The following FAM53A variants were observed in gnomAD, a reference collection of about 807,000 sequenced individuals.
FAM53A encodes family with sequence similarity 53 member A, also known as protein FAM53A.
FAM53A carries 28 observed loss-of-function variants against 26.6 expected under a neutral mutation model. The ratio of observed to expected loss-of-function variants is 1.05; its 90% CI spans 0.78 to 1.45. The LOEUF is 1.45. Ranked by LOEUF, FAM53A falls within the 40% of genes most tolerant of loss-of-function variation. The probability of loss-of-function intolerance (pLI) is 0.00; values close to 1 mark genes in which losing one functional copy is unlikely to be tolerated. For synonymous variants in FAM53A, 290 were observed against 253.1 expected (o/e 1.15, Z -1.38); for missense variants, 650 against 575.8 (o/e 1.13, Z -1.32).
At chr4:1,676,839 A>G (rs1319746661) in intron 1 of FAM53A, among the ~76,000 whole-genome samples, 1 of 152,160 alleles carries the variant, frequency 6.6e-6, no homozygotes. Flanking sequence ...TTATCACGTC[A>G]CTATAGTGTT....
At chr4:1,599,186 C>T in the FAM53A span, among the ~76,000 whole-genome samples, 17 of 147,570 alleles carry the variant, frequency 1.2e-4, no homozygotes, top group Admixed American at 6.0e-4. This position sits in a 1 kb window ranked among gnomAD's most constrained non-coding sequence, Gnocchi z 6.1. Flanking sequence ...CAACCCCGCC[C>T]GGGACTTCGC....
At chr4:1,682,907 G>A (rs798728) in intron 1 of FAM53A, among the ~76,000 whole-genome samples, 149,705 of 152,358 alleles carry the variant, frequency 0.98, 73,604 homozygotes, top group East Asian at 1. Flanking sequence ...AAAGGGGCGG[G>A]ACAATTACCA....
downstream of FAM53A, among the ~76,000 whole-genome samples, chr4:1,614,067 T>A (rs1228996841): frequency 6.6e-6 from 1 of 151,520 alleles, no homozygotes; most frequent in African/African-American, 2.4e-5. Flanking sequence ...CTCACAGGAG[T>A]CAGATGAATG....
Position 1,647,619 on chromosome 4 carries a change from G to T in FAM53A, c.883-6012C>A, listed in dbSNP as rs777835080. Among the ~76,000 whole-genome samples the T allele has an allele frequency of 7.2e-5, 11 of 152,220 alleles. 1 individual carries two copies. The highest frequency in any genetic ancestry group is 5.2e-4 in the Admixed American group (8 of 15,284). On this transcript the variant is annotated intron_variant, in intron 4 of 4. Transcript: ENST00000308132. ...CTGCACAACACACGCCAGGGACGCC[G>T]GACTAGAGCTGGGCTGCGCATACCG...
At chr4:1,604,587 C>T in the FAM53A span, among the ~76,000 whole-genome samples, 1 of 152,116 alleles carries the variant, frequency 6.6e-6, no homozygotes, top group Non-Finnish European at 1.5e-5. Context: ...GGGCCCCTCA[C>T]TCCCTCTCTC....
chr4:1,675,368 C>G (rs1180522359), intron 1 of FAM53A, among the ~76,000 whole-genome samples: 1 of 152,212 alleles, frequency 6.6e-6, no homozygotes, highest in Non-Finnish European at 1.5e-5. Context: ...GCGCCGGCCC[C>G]TCCAAACAGG....
chr4:1,641,401 G>A lies in FAM53A; in HGVS notation c.1089C>T (p.Gly363=), dbSNP rs1429571248. ...GGGGGTCCCCGCTGCTCCTGCGGGA[G>A]CCATCACTGGTCACCGACTCCCTAG... is the stretch of plus-strand genomic sequence containing the variant. The part of the protein sequence containing the change: ...WASRESVTSD[G]SRRSSGDPRD... The change falls in exon 5 of 5, where the codon GGC becomes GGT. Residue 363 remains glycine (G), a synonymous_variant. Transcript: ENST00000308132. The A allele has an allele frequency of 6.2e-7, 1 of 1,611,340 alleles. No individual in the cohort carries two copies. Among genetic ancestry groups the A allele is most frequent in the Admixed American group, 1.7e-5 (1 of 58,942 alleles).
At chr4:1,608,104 T>A in the FAM53A span, among the ~76,000 whole-genome samples, 1 of 152,028 alleles carries the variant, frequency 6.6e-6, no homozygotes, top group Non-Finnish European at 1.5e-5. Context: ...AGAGCAAAAC[T>A]TTGTCTCAGA....
the FAM53A span, among the ~76,000 whole-genome samples, chr4:1,594,216 T>C: frequency 2.0e-5 from 3 of 152,142 alleles, no homozygotes; most frequent in African/African-American, 7.2e-5. Context: ...CGGCCCCACA[T>C]AGCAGGAGGC....
At chr4:1,663,442 G>C (rs1714000877) in intron 2 of FAM53A, among the ~76,000 whole-genome samples, 1 of 152,154 alleles carries the variant, frequency 6.6e-6, no homozygotes, top group Non-Finnish European at 1.5e-5. Context: ...ATCCCTAATA[G>C]CTAAAATATG....
the FAM53A span, among the ~76,000 whole-genome samples, chr4:1,581,708 GCCCAGGCT>G: frequency 6.6e-6 from 1 of 152,130 alleles, no homozygotes. Context: ...CAATTCTCCT[GCCCAGGCT>G]CCCAAGTAAC....
the FAM53A span, among the ~76,000 whole-genome samples, chr4:1,612,405 C>T: frequency 2.0e-5 from 3 of 152,224 alleles, no homozygotes; most frequent in Non-Finnish European, 2.9e-5. Context: ...CCGAGAAGCC[C>T]AGGCAGGGCC....
the FAM53A span, among the ~76,000 whole-genome samples, chr4:1,593,213 T>C: frequency 6.6e-6 from 1 of 152,098 alleles, no homozygotes; most frequent in African/African-American, 2.4e-5. Flanking sequence ...GGTCCAGGGC[T>C]TGGCCCAGGC....
chr4:1,633,745 A>C (rs781067412), intron 1 of FAM53A, among the ~76,000 whole-genome samples: 18 of 152,248 alleles, frequency 1.2e-4, no homozygotes, highest in Non-Finnish European at 2.4e-4. Context: ...GGATCAGAGC[A>C]GCCCAGGAGA....
chr4:1,636,543 G>A (rs1261716834), downstream of FAM53A, among the ~76,000 whole-genome samples: 1 of 152,172 alleles, frequency 6.6e-6, no homozygotes, highest in African/African-American at 2.4e-5. Context: ...TCACTCCTGC[G>A]CTCTCCACCT....
intron 1 of FAM53A, among the ~76,000 whole-genome samples, chr4:1,633,418 C>T (rs550017648): frequency 2.0e-5 from 3 of 152,176 alleles, no homozygotes; most frequent in South Asian, 2.1e-4. Context: ...TGCAGGTCCA[C>T]GAAGCCAGAT....
intron 2 of FAM53A, among the ~76,000 whole-genome samples, chr4:1,662,861 T>TTA (rs1713940443): frequency 6.6e-6 from 1 of 151,976 alleles, no homozygotes; most frequent in African/African-American, 2.4e-5. Flanking sequence ...GCAGGTGGCT[T>TTA]TTATCAAAAA....
the FAM53A span, among the ~76,000 whole-genome samples, chr4:1,606,588 G>A: frequency 6.6e-6 from 1 of 152,072 alleles, no homozygotes; most frequent in African/African-American, 2.4e-5. Flanking sequence ...AATGACAAGT[G>A]CATAAACGAC....
At chr4:1,600,990 G>A in the FAM53A span, among the ~76,000 whole-genome samples, 1 of 152,182 alleles carries the variant, frequency 6.6e-6, no homozygotes, top group Non-Finnish European at 1.5e-5. Context: ...GGGCCGAGAA[G>A]CTCAAGGCTC....
Sources: gnomAD v4.1 joint callset for allele counts (sites outside exome capture counted in the v4.1 genomes callset) on GRCh38, gnomAD v4.1.1 for gene constraint, Gnocchi (gnomAD v3.1) non-coding constraint, MANE v1.5 for transcripts, NCBI Gene and HGNC (gene_info 2026-07-23, HGNC 2026-07-21) for gene names.